Variants in GRHL2 observed in about 807,000 individuals in gnomAD.
The protein encoded by GRHL2 is grainyhead-like protein 2 homolog.
In GRHL2, 21 loss-of-function variants were observed where a neutral mutation model predicts 83.8. The ratio of observed to expected loss-of-function variants is 0.25; its 90% CI spans 0.18 to 0.36. The LOEUF (loss-of-function observed/expected upper bound fraction) is 0.36, where lower values mean the gene tolerates loss of function less well. Among genes scored for constraint, GRHL2 ranks in the 10% least tolerant of loss-of-function variants. GRHL2 has a pLI of 1.00. For missense variants in GRHL2, 623 were observed against 781.8 expected, an observed-to-expected ratio of 0.80 and a Z score of 2.42; for synonymous variants, 280 against 278.9, an observed-to-expected ratio of 1.00 and a Z score of -0.04.
At chr8:101,669,947 G>A (rs538321050), downstream of GRHL2, among the ~76,000 whole-genome samples, 119 of 152,264 alleles carry the variant, frequency 7.8e-4, no homozygotes, top group African/African-American at 1.5e-3. Flanking sequence ...GTGTGACCAC[G>A]GCAGGCTCCC....
chr8:101,548,796 G>A (rs1811318119), intron 2 of GRHL2, among the ~76,000 whole-genome samples: 1 of 152,208 alleles, frequency 6.6e-6, no homozygotes, highest in Non-Finnish European at 1.5e-5. Context: ...TTATGGTATT[G>A]TGCCTAGCAC....
intron 14 of GRHL2, among the ~76,000 whole-genome samples, chr8:101,661,047 G>A (rs1353128229): frequency 2.6e-5 from 4 of 152,250 alleles, no homozygotes; most frequent in South Asian, 2.1e-4. Context: ...TCCAACCCAC[G>A]GCCTGCAAGC....
intron 4 of GRHL2, among the ~76,000 whole-genome samples, chr8:101,566,038 T>C (rs1811710484): frequency 6.6e-6 from 1 of 152,184 alleles, no homozygotes; most frequent in Admixed American, 6.5e-5. Flanking sequence ...TGGTAGTCCA[T>C]TATCCTCCAC....
At chr8:101,562,587 A>G (rs1274901058) in intron 4 of GRHL2, 3 of 187,146 alleles carry the variant, frequency 1.6e-5, no homozygotes, top group African/African-American at 7.1e-5. Context: ...CCTTTTCTCC[A>G]TACTGATATC....
At chr8:101,493,384 G>A (rs1162480260) in intron 1 of GRHL2, among the ~76,000 whole-genome samples, 3 of 152,084 alleles carry the variant, frequency 2.0e-5, no homozygotes, top group East Asian at 1.9e-4. Context: ...GGGCGCGGGG[G>A]CGGCCGGCGC....
intron 4 of GRHL2, among the ~76,000 whole-genome samples, chr8:101,568,046 C>T (rs1220961368): frequency 1.3e-5 from 2 of 152,192 alleles, no homozygotes; most frequent in African/African-American, 4.8e-5. Context: ...AATGTAAATA[C>T]ATTTTCCTAA....
chr8:101,648,121 G>A (rs1486776783), intron 13 of GRHL2, among the ~76,000 whole-genome samples: 1 of 152,160 alleles, frequency 6.6e-6, no homozygotes, highest in Non-Finnish European at 1.5e-5. Context: ...CACTCAGTGG[G>A]GATGAGGGTG....
intron 4 of GRHL2, chr8:101,562,492 G>A: frequency 3.3e-6 from 1 of 305,342 alleles, no homozygotes; most frequent in Non-Finnish European, 6.0e-6. Context: ...TATGCATATT[G>A]AACCCGTGTG....
At chr8:101,535,822 G>A (rs1811035582) in intron 1 of GRHL2, among the ~76,000 whole-genome samples, 1 of 152,222 alleles carries the variant, frequency 6.6e-6, no homozygotes. Context: ...TTACAGGCAT[G>A]AGCCAGTGCA....
chr8:101,598,342 G>A (rs1397580803), intron 7 of GRHL2, among the ~76,000 whole-genome samples: 3 of 151,362 alleles, frequency 2.0e-5, no homozygotes, highest in South Asian at 2.1e-4. Flanking sequence ...CCAGTTCAAG[G>A]GATTCTCATG....
chr8:101,649,185 G>A (rs1417820216), intron 13 of GRHL2, among the ~76,000 whole-genome samples: 1 of 152,164 alleles, frequency 6.6e-6, no homozygotes, highest in Non-Finnish European at 1.5e-5. Flanking sequence ...TCCTACGGCC[G>A]GGTTGTCGGT....
At chr8:101,647,298 G>A (rs963260010) in intron 13 of GRHL2, among the ~76,000 whole-genome samples, 7 of 152,346 alleles carry the variant, frequency 4.6e-5, no homozygotes, top group Admixed American at 2.6e-4. Flanking sequence ...CTGGGAGGCA[G>A]AGGTTGCAGT....
chr8:101,618,466 A>G (rs1483677349), intron 8 of GRHL2, among the ~76,000 whole-genome samples: 1 of 152,146 alleles, frequency 6.6e-6, no homozygotes, highest in Non-Finnish European at 1.5e-5. Flanking sequence ...CTTACATTTA[A>G]CAATCTTTTA....
At chr8:101,616,109 C>T (rs1374377733) in intron 8 of GRHL2, among the ~76,000 whole-genome samples, 1 of 134,514 alleles carries the variant, frequency 7.4e-6, no homozygotes, top group African/African-American at 2.7e-5. Flanking sequence ...TTCTTTCTTT[C>T]TTTCTTCCTC....
At chr8:101,583,373 T>C (rs1311993769) in intron 7 of GRHL2, among the ~76,000 whole-genome samples, 1 of 152,188 alleles carries the variant, frequency 6.6e-6, no homozygotes, top group African/African-American at 2.4e-5. Flanking sequence ...GTCAAGCTGA[T>C]AGAGCCTTGA....
At chr8:101,533,272 TTA>T (rs1810976311) in intron 1 of GRHL2, among the ~76,000 whole-genome samples, 1 of 152,196 alleles carries the variant, frequency 6.6e-6, no homozygotes, top group African/African-American at 2.4e-5. Flanking sequence ...GCATAGCACT[TTA>T]TAGCTCAAAA....
chr8:101,538,083 T>C (rs1811082223), intron 1 of GRHL2, among the ~76,000 whole-genome samples: 1 of 152,206 alleles, frequency 6.6e-6, no homozygotes, highest in Non-Finnish European at 1.5e-5. Context: ...GAACATGCAT[T>C]GCGTGACGGG....
intron 7 of GRHL2, among the ~76,000 whole-genome samples, chr8:101,589,791 T>C (rs1812241272): frequency 6.6e-6 from 1 of 152,178 alleles, no homozygotes; most frequent in African/African-American, 2.4e-5. Flanking sequence ...AATAGACGGG[T>C]CACTCTATGC....
At chr8:101,652,208 C>T (rs1419740647) in intron 14 of GRHL2, among the ~76,000 whole-genome samples, 2 of 152,040 alleles carry the variant, frequency 1.3e-5, no homozygotes, top group African/African-American at 4.8e-5. Flanking sequence ...ATAGTGACAC[C>T]AGTGCACCCT....
Sources: gnomAD v4.1 joint callset for allele counts (sites outside exome capture counted in the v4.1 genomes callset) on GRCh38, gnomAD v4.1.1 for gene constraint, MANE v1.5 for transcripts, NCBI Gene and HGNC (gene_info 2026-07-23, HGNC 2026-07-21) for gene names.